Variants in NRG4 observed in about 807,000 individuals in gnomAD.
NRG4 encodes the protein neuregulin 4.
In NRG4, 10 loss-of-function variants were observed where a neutral mutation model predicts 15.0. The ratio of observed to expected loss-of-function variants is 0.67; its 90% CI spans 0.41 to 1.13. The LOEUF (loss-of-function observed/expected upper bound fraction) is 1.13, where lower values mean the gene tolerates loss of function less well. Ranked by LOEUF, NRG4 falls within the 50% of genes most tolerant of loss-of-function variation. The probability of loss-of-function intolerance (pLI) is 0.00; values close to 1 mark genes in which losing one functional copy is unlikely to be tolerated. For synonymous variants in NRG4, 41 were observed against 50.1 expected, an observed-to-expected ratio of 0.82 and a Z score of 0.77; for missense variants, 139 against 140.2, an observed-to-expected ratio of 0.99 and a Z score of 0.04.
At chr15:76,021,336 A>G (rs1043565434) in intron 5 of NRG4, among the ~76,000 whole-genome samples, 8 of 152,254 alleles carry the variant, frequency 5.3e-5, no homozygotes, top group African/African-American at 1.9e-4. Flanking sequence ...TTTTAACAAT[A>G]AAGTATTTTT....
intron 3 of NRG4, among the ~76,000 whole-genome samples, chr15:75,962,519 T>C (rs1049732536): frequency 8.5e-5 from 13 of 152,218 alleles, no homozygotes; most frequent in African/African-American, 3.1e-4. Context: ...ACTGCTTCAA[T>C]ACTGTTACTT....
chr15:75,989,985 C>T (rs1037055050), intron 3 of NRG4, among the ~76,000 whole-genome samples: 2 of 152,024 alleles, frequency 1.3e-5, no homozygotes, highest in African/African-American at 4.8e-5. Flanking sequence ...GCATTTAGGC[C>T]GACTTTCGCT....
chr15:75,948,523 A>T (rs979229542), intron 5 of NRG4, among the ~76,000 whole-genome samples: 1 of 151,548 alleles, frequency 6.6e-6, no homozygotes, highest in South Asian at 2.1e-4. Flanking sequence ...CTGGTCTCGA[A>T]CTCCTGACCT....
chr15:75,979,970 T>C (rs917905824), intron 3 of NRG4, among the ~76,000 whole-genome samples: 2 of 152,202 alleles, frequency 1.3e-5, no homozygotes, highest in South Asian at 2.1e-4. Context: ...AATTATTTTA[T>C]TGGTAAGTCA....
chr15:75,994,107 G>A (rs2034125600), intron 3 of NRG4, among the ~76,000 whole-genome samples: 2 of 152,172 alleles, frequency 1.3e-5, no homozygotes, highest in Admixed American at 1.3e-4. Flanking sequence ...GTAGATTCTA[G>A]ATGGTTACAT....
chr15:76,018,723 G>T (rs759167284), intron 5 of NRG4, among the ~76,000 whole-genome samples: 1 of 152,158 alleles, frequency 6.6e-6, no homozygotes, highest in Non-Finnish European at 1.5e-5. Context: ...AGGGGCATCC[G>T]CCAGATGCCG....
At chr15:75,950,968 T>A (rs1204752333) in intron 5 of NRG4, 1 of 188,694 alleles carries the variant, frequency 5.3e-6, no homozygotes, top group African/African-American at 2.3e-5. Flanking sequence ...CAGCTTGTAA[T>A]GCTAAGAATT....
At chr15:75,997,045 A>G (rs577125810) in intron 3 of NRG4, among the ~76,000 whole-genome samples, 2 of 152,198 alleles carry the variant, frequency 1.3e-5, no homozygotes, top group African/African-American at 2.4e-5. Flanking sequence ...TTTTCCCACT[A>G]TAATACTTAG....
chr15:75,981,269 G>T (rs2141851888), intron 3 of NRG4, among the ~76,000 whole-genome samples: 1 of 152,206 alleles, frequency 6.6e-6, no homozygotes, highest in Non-Finnish European at 1.5e-5. Flanking sequence ...TATCCTCTGG[G>T]GAGAGAGACC....
chr15:75,965,193 C>T (rs2088599), intron 3 of NRG4, among the ~76,000 whole-genome samples: 66,551 of 151,790 alleles, frequency 0.44, 15,457 homozygotes, highest in South Asian at 0.69. Context: ...CCACTGCACT[C>T]CAGCTTGGGC....
At chr15:75,988,489 C>T (rs931699669) in intron 3 of NRG4, among the ~76,000 whole-genome samples, 2 of 152,164 alleles carry the variant, frequency 1.3e-5, no homozygotes, top group Non-Finnish European at 1.5e-5. Context: ...GTCCAGCCTA[C>T]AACTCCTTCT....
intron 5 of NRG4, among the ~76,000 whole-genome samples, chr15:75,953,912 CTTCGG>C (rs901032121): frequency 6.6e-6 from 1 of 152,192 alleles, no homozygotes; most frequent in African/African-American, 2.4e-5. Flanking sequence ...GTCTCAAACT[CTTCGG>C]TTCAAGTGAT....
chr15:76,018,413 G>C (rs527690615), intron 5 of NRG4, among the ~76,000 whole-genome samples: 1 of 152,286 alleles, frequency 6.6e-6, no homozygotes, highest in Admixed American at 6.5e-5. Flanking sequence ...GGCGTTCTGG[G>C]TTTTGGAATT....
intron 4 of NRG4, among the ~76,000 whole-genome samples, chr15:76,037,508 G>A (rs1343911278): frequency 1.3e-5 from 2 of 152,290 alleles, no homozygotes; most frequent in South Asian, 2.1e-4. Flanking sequence ...ATTCAGACAA[G>A]CCCTAGCCAG....
intron 5 of NRG4, among the ~76,000 whole-genome samples, chr15:75,955,282 A>T (rs1164991622): frequency 6.6e-6 from 1 of 152,118 alleles, no homozygotes; most frequent in East Asian, 1.9e-4. Context: ...GAGTCAGCCA[A>T]ACTCAGCCTG....
downstream of NRG4, chr15:75,937,531 AAG>A (rs1199967910): frequency 1.3e-5 from 2 of 149,496 alleles, no homozygotes; most frequent in East Asian, 3.9e-4. Flanking sequence ...AAAAAAAAAA[AAG>A]CAACTGTCTG....
At chr15:75,938,846 A>T (rs1020128626), downstream of NRG4, 3 of 152,190 alleles carry the variant, frequency 2.0e-5, no homozygotes, top group Non-Finnish European at 2.9e-5. Flanking sequence ...GAAAATTCAC[A>T]AACTTGTGGA....
chr15:75,951,300 T>C (rs2031890370), intron 5 of NRG4, among the ~76,000 whole-genome samples: 1 of 150,192 alleles, frequency 6.7e-6, no homozygotes, highest in Admixed American at 6.7e-5. Context: ...CCCGAATAGC[T>C]GGGATTACAG....
chr15:76,050,667 A>G (rs2035981344), intron 4 of NRG4, among the ~76,000 whole-genome samples: 1 of 134,270 alleles, frequency 7.4e-6, no homozygotes, highest in Admixed American at 7.7e-5. Context: ...GCTGGTCTTG[A>G]ACTCCTGACC....
Sources: allele counts gnomAD v4.1 joint callset (sites outside exome capture counted in the v4.1 genomes callset), GRCh38; gene constraint gnomAD v4.1.1; transcripts MANE v1.5; gene names NCBI Gene and HGNC (gene_info 2026-07-23, HGNC 2026-07-21).